The following ERP44 variants were observed in gnomAD, a reference collection of about 807,000 sequenced individuals.
ERP44 encodes endoplasmic reticulum resident protein 44.
Under a neutral mutation model 53.4 loss-of-function variants are expected in ERP44, and 25 were observed. That is an observed-to-expected ratio of 0.47 (90% CI 0.34 to 0.65). ERP44 has a LOEUF of 0.65. Among genes scored for constraint, ERP44 ranks in the 30% least tolerant of loss-of-function variants. The probability of loss-of-function intolerance (pLI) is 0.01; values close to 1 mark genes in which losing one functional copy is unlikely to be tolerated. For missense variants in ERP44, 338 were observed against 493.2 expected (o/e 0.69, Z 2.98); for synonymous variants, 145 against 161.2 (o/e 0.90, Z 0.76).
rs1399524875 is a variant in ERP44, at chr9:99,979,576, T to G, written c.*3036A>C. 1 of 177,772 alleles carries G rather than the reference T, an allele frequency of 5.6e-6. No homozygotes were observed. The allele number at this position is 177,772 out of a possible 1,614,324, so 11.0% of individuals were successfully genotyped here. A position where few individuals can be genotyped will look rare whatever the true frequency, so the allele number is the denominator to read the frequency against. ...TTAAAGAAAAAAATAATTTGTAGAA[T>G]GTCATCTAAAAGTTTCCATCCTTTT... On this transcript the variant is annotated 3_prime_UTR_variant, in exon 12 of 12. Transcript: ENST00000262455.
intron 8 of ERP44, among the ~76,000 whole-genome samples, chr9:100,010,405 G>A (rs995755396): frequency 2.0e-5 from 3 of 152,152 alleles, no homozygotes; most frequent in Non-Finnish European, 4.4e-5. Context: ...GGGAGATGCC[G>A]TTTCACTGTT....
At chr9:100,018,598 T>C (rs904310847) in intron 6 of ERP44, among the ~76,000 whole-genome samples, 3 of 152,156 alleles carry the variant, frequency 2.0e-5, no homozygotes, top group African/African-American at 7.2e-5. Flanking sequence ...TCAAGGTCAT[T>C]GGTTTGGTCA....
Position 100,020,623 on chromosome 9 carries a change from C to A in ERP44, c.580G>T (p.Ala194Ser), listed in dbSNP as rs756976665. The A allele has an allele frequency of 9.5e-6, 15 of 1,577,948 alleles. No homozygotes were observed. The highest frequency in any genetic ancestry group is 8.7e-7 in the Non-Finnish European group (1 of 1,148,108). Reference protein sequence around the residue: ...ILHDDCAFLSAFGDVSKPERY... With the variant: ...ILHDDCAFLSSFGDVSKPERY... The stretch of plus-strand genomic sequence containing the variant: ...TTTAAATAAGATACTTACCCAAATG[C>A]AGAAAGAAAGGCACAGTCATCATGC... Residue 194 changes from alanine to serine, a missense_variant, in exon 6 of 12, where the codon GCA becomes TCA. Transcript: ENST00000262455.
intron 3 of ERP44, among the ~76,000 whole-genome samples, chr9:100,056,771 A>T (rs1826091697): frequency 6.6e-6 from 1 of 152,212 alleles, no homozygotes; most frequent in African/African-American, 2.4e-5. Context: ...AGAATTTTAT[A>T]GGAATTGAAA....
chr9:100,053,535 A>G (rs1826058391), intron 3 of ERP44, among the ~76,000 whole-genome samples: 1 of 152,162 alleles, frequency 6.6e-6, no homozygotes, highest in African/African-American at 2.4e-5. Flanking sequence ...ATGCACCTAC[A>G]CTATAGGGTA....
chr9:100,011,841 A>G (rs922724826), intron 8 of ERP44, among the ~76,000 whole-genome samples: 4 of 152,212 alleles, frequency 2.6e-5, no homozygotes, highest in Admixed American at 6.5e-5. Context: ...CCAAGCTGTC[A>G]TATAGAAATA....
intron 10 of ERP44, among the ~76,000 whole-genome samples, chr9:99,988,875 T>G (rs2118602558): frequency 6.6e-6 from 1 of 152,346 alleles, no homozygotes; most frequent in Non-Finnish European, 1.5e-5. Flanking sequence ...CACCAGGAGA[T>G]TATATCCCAC....
intron 10 of ERP44, among the ~76,000 whole-genome samples, chr9:99,985,789 G>A (rs1342427769): frequency 1.3e-5 from 2 of 152,092 alleles, no homozygotes; most frequent in East Asian, 3.8e-4. Flanking sequence ...GCTTAATATT[G>A]TGAAAAGCAA....
At chr9:100,059,276 G>A (rs557133509) in intron 2 of ERP44, among the ~76,000 whole-genome samples, 2 of 152,226 alleles carry the variant, frequency 1.3e-5, no homozygotes, top group Admixed American at 1.3e-4. Flanking sequence ...CCTAAGTTAC[G>A]ATTTTCTATC....
At chr9:100,064,463 A>T (rs1183946529) in intron 1 of ERP44, among the ~76,000 whole-genome samples, 3 of 152,242 alleles carry the variant, frequency 2.0e-5, no homozygotes, top group Admixed American at 6.5e-5. Flanking sequence ...AATAAAGTCT[A>T]TACTATAATT....
At chr9:100,088,792 C>T (rs796853519) in intron 1 of ERP44, among the ~76,000 whole-genome samples, 3 of 152,178 alleles carry the variant, frequency 2.0e-5, no homozygotes, top group African/African-American at 7.2e-5. Context: ...GGGCCCAAAT[C>T]CCTGATCCCT....
chr9:99,999,416 T>C (rs190221730), intron 10 of ERP44, among the ~76,000 whole-genome samples: 1 of 152,326 alleles, frequency 6.6e-6, no homozygotes, highest in Admixed American at 6.5e-5. Flanking sequence ...AAAGACACCA[T>C]TCTAATATCT....
intron 4 of ERP44, among the ~76,000 whole-genome samples, chr9:100,025,914 CA>C (rs1331477552): frequency 1.3e-5 from 2 of 152,024 alleles, no homozygotes; most frequent in Non-Finnish European, 2.9e-5. Context: ...TAGTGGGAAG[CA>C]AAAATGTGTT....
chr9:100,031,372 A>C (rs1825785991), intron 4 of ERP44, among the ~76,000 whole-genome samples: 1 of 152,212 alleles, frequency 6.6e-6, no homozygotes, highest in Non-Finnish European at 1.5e-5. Flanking sequence ...GCAAGCTCAA[A>C]ACTGACTGCT....
At chr9:100,069,929 T>A (rs1826280803) in intron 1 of ERP44, among the ~76,000 whole-genome samples, 1 of 152,230 alleles carries the variant, frequency 6.6e-6, no homozygotes, top group Non-Finnish European at 1.5e-5. Flanking sequence ...GATTAACTAA[T>A]TTACCTGGAA....
At chr9:100,060,031 T>A (rs974270439) in intron 2 of ERP44, 69 bp downstream of exon 2, 161 of 1,231,808 alleles carry the variant, frequency 1.3e-4, no homozygotes, top group Non-Finnish European at 1.6e-4. Flanking sequence ...TTGGGTTTTT[T>A]TTTTGTATAT....
intron 1 of ERP44, among the ~76,000 whole-genome samples, chr9:100,092,714 A>C (rs553988007): frequency 6.6e-6 from 1 of 152,354 alleles, no homozygotes; most frequent in Admixed American, 6.5e-5. Context: ...CCATAATACA[A>C]ACATGCACAC....
At chr9:99,985,116 C>A in intron 10 of ERP44, 47 bp from the exon 11 acceptor site, 1 of 1,272,700 alleles carries the variant, frequency 7.9e-7, no homozygotes, top group Non-Finnish European at 1.1e-6. Flanking sequence ...ATGGACTTAT[C>A]TCTATTTTAC....
chr9:100,075,297 C>T (rs527562738), intron 1 of ERP44, among the ~76,000 whole-genome samples: 25 of 152,352 alleles, frequency 1.6e-4, no homozygotes, highest in African/African-American at 6.0e-4. Flanking sequence ...ACACATCTCC[C>T]GGTACCCGGT....
Sources: allele counts gnomAD v4.1 joint callset (sites outside exome capture counted in the v4.1 genomes callset), GRCh38; gene constraint gnomAD v4.1.1; transcripts MANE v1.5; gene names NCBI Gene and HGNC (gene_info 2026-07-23, HGNC 2026-07-21).